Variants in SYNE1 observed in about 807,000 individuals in gnomAD.
SYNE1 encodes spectrin repeat containing nuclear envelope protein 1.
A neutral mutation model predicts 1,111.0 loss-of-function variants in SYNE1; 616 were observed. The ratio of observed to expected loss-of-function variants is 0.55; its 90% CI spans 0.52 to 0.59. The LOEUF (loss-of-function observed/expected upper bound fraction) is 0.59. Among genes scored for constraint, SYNE1 ranks in the 20% least tolerant of loss-of-function variants. SYNE1 has a pLI of 0.00. For missense variants in SYNE1, 10,006 were observed against 10,417.0 expected (o/e 0.96, Z 1.72); for synonymous variants, 3,855 against 3,825.8 (o/e 1.01, Z -0.28).
At chr6:152,630,072 G>A (rs1052849066) in intron 2 of SYNE1, among the ~76,000 whole-genome samples, 2 of 151,850 alleles carry the variant, frequency 1.3e-5, no homozygotes, top group Non-Finnish European at 2.9e-5. Flanking sequence ...TTATATATTG[G>A]TATCTGGTCA....
Position 152,471,595 on chromosome 6 carries a change from A to G in SYNE1, c.1632+2T>C, listed in dbSNP as rs1371239038. 6.2e-7 allele frequency: 1 copy of G among 1,613,694 alleles called. No homozygotes were observed. The highest frequency in any genetic ancestry group is 1.3e-5 in the African/African-American group (1 of 74,910). On this transcript the variant is annotated splice_donor_variant, in intron 16 of 145. Transcript: ENST00000367255. LOFTEE classifies it high-confidence loss of function. ...TTCTCTGTCAAAGCACGGGGGACTC[A>G]CCACGTAGTTTTGTAGAAGCTGCTC...
At chr6:152,555,049 A>G (rs981077730) in intron 3 of SYNE1, among the ~76,000 whole-genome samples, 1 of 152,220 alleles carries the variant, frequency 6.6e-6, no homozygotes, top group Non-Finnish European at 1.5e-5. Context: ...TATTTCAAAT[A>G]CTCATAAATG....
intron 64 of SYNE1, among the ~76,000 whole-genome samples, chr6:152,360,969 A>T (rs1563349093): frequency 6.6e-6 from 1 of 152,276 alleles, no homozygotes; most frequent in East Asian, 1.9e-4. Context: ...GGGACATGCA[A>T]ATATATATGA....
intron 91 of SYNE1, among the ~76,000 whole-genome samples, chr6:152,303,927 A>AT (rs1422656301): frequency 6.7e-6 from 1 of 150,370 alleles, no homozygotes; most frequent in East Asian, 2.0e-4. Context: ...ACACACACAC[A>AT]TTTTGTTATT....
chr6:152,627,859 T>C (rs1000507951), intron 3 of SYNE1, among the ~76,000 whole-genome samples: 1 of 152,120 alleles, frequency 6.6e-6, no homozygotes, highest in African/African-American at 2.4e-5. Context: ...ATGCCACTGG[T>C]TCACCTATTT....
intron 55 of SYNE1, among the ~76,000 whole-genome samples, chr6:152,383,579 G>GT (rs986922664): frequency 6.6e-6 from 1 of 152,000 alleles, no homozygotes; most frequent in African/African-American, 2.4e-5. Context: ...TCCCCTTCTT[G>GT]TTTTTCCCCT....
chr6:152,523,739 T>C (rs2099151346), intron 5 of SYNE1, among the ~76,000 whole-genome samples: 1 of 152,144 alleles, frequency 6.6e-6, no homozygotes. Flanking sequence ...CAGCAGTGTT[T>C]TGTAGTTCTC....
chr6:152,268,982 C>T (rs2092972331), intron 99 of SYNE1, among the ~76,000 whole-genome samples, 173 bp downstream of exon 99: 1 of 152,142 alleles, frequency 6.6e-6, no homozygotes, highest in Non-Finnish European at 1.5e-5. Flanking sequence ...CCAATCATCC[C>T]AGTGGTCATG....
rs756636517 is a variant in SYNE1 at position 152,472,332 on chromosome 6, G to T, written c.1432C>A (p.Pro478Thr). The change falls in exon 15 of 146, where the codon CCA (proline) becomes ACA (threonine). Residue 478 changes from proline (P) to threonine (T), a missense_variant. By Grantham distance (38) the Pro-to-Thr change is conservative (BLOSUM62 -1). Around this residue, in one of 7 missense-constraint regions of SYNE1, gnomAD observed 1,971 missense variants for 2,084.1 expected, o/e 0.95. Transcript: ENST00000367255. Reference protein sequence around the residue: ...RTRSVNGIPVPPDQLEDMAER... With the variant: ...RTRSVNGIPVTPDQLEDMAER... ...GCCATGTCCTCTAATTGATCAGGTG[G>T]CACTGGAATCCCGTTAACAGACCTG... The T allele has an allele frequency of 1.9e-6, 3 of 1,613,884 alleles. No individual in the cohort carries two copies. The highest frequency in any genetic ancestry group is 2.5e-6 in the Non-Finnish European group (3 of 1,179,894).
intron 12 of SYNE1, among the ~76,000 whole-genome samples, chr6:152,485,185 C>T (rs953394963): frequency 2.0e-5 from 3 of 152,168 alleles, no homozygotes; most frequent in African/African-American, 7.2e-5. Context: ...TTCATATTAT[C>T]CTCTCTGGTT....
chr6:152,603,598 T>C (rs1273760236), intron 3 of SYNE1, among the ~76,000 whole-genome samples: 1 of 151,816 alleles, frequency 6.6e-6, no homozygotes, highest in Non-Finnish European at 1.5e-5. Context: ...TTGAAGAAAA[T>C]GGTTGGAGAC....
At chr6:152,551,477 T>G (rs2099346555) in intron 3 of SYNE1, among the ~76,000 whole-genome samples, 1 of 152,196 alleles carries the variant, frequency 6.6e-6, no homozygotes. Context: ...TACCAGCCGT[T>G]CTGCTGACCA....
At chr6:152,224,446 T>C in intron 117 of SYNE1, 48 bp downstream of exon 117, 1 of 1,569,276 alleles carries the variant, frequency 6.4e-7, no homozygotes, top group Non-Finnish European at 8.8e-7. Flanking sequence ...TTTTTCAGTT[T>C]TCTAAAATTA....
chr6:152,225,821 T>C lies in SYNE1; in HGVS notation c.21251A>G (p.Asn7084Ser). The change falls in exon 116 of 146, where the codon AAT becomes AGT. Residue 7084 changes from asparagine (N) to serine (S), a missense_variant. Coordinates refer to ENST00000367255, the MANE Select transcript of SYNE1 (RefSeq NM_182961.4). ...KEKEVEKIEQ[N>S]GLALIQNKKE... ...CTTGTTCTGAATCAAAGCAAGTCCA[T>C]TCTGCTCAATTTTCTCTACTTCTTT... 1.9e-6 allele frequency: 3 copies of C among 1,614,064 alleles called. No individual in the cohort carries two copies. The highest frequency in any genetic ancestry group is 2.2e-5 in the South Asian group (2 of 91,078).
intron 85 of SYNE1, 111 bp downstream of exon 85, chr6:152,318,752 T>G: frequency 7.7e-7 from 1 of 1,294,054 alleles, no homozygotes; most frequent in Non-Finnish European, 1.1e-6. Context: ...CTGTTACTAT[T>G]TGGTTTTAAA....
chr6:152,373,342 C>T lies in SYNE1; in HGVS notation c.9325-123G>A, dbSNP rs552314831. 62 of 875,052 alleles carry T rather than the reference C, an allele frequency of 7.1e-5. No homozygotes were observed. In the South Asian group the frequency reaches 8.7e-4, roughly 12 times the overall value. 54.2% of individuals were successfully genotyped at this position (875,052 alleles called of 1,614,324 possible). A position where few individuals can be genotyped will look rare whatever the true frequency, so the allele number is the denominator to read the frequency against. On this transcript the variant is annotated intron_variant, in intron 58 of 145. Coordinates refer to ENST00000367255, the MANE Select transcript of SYNE1 (RefSeq NM_182961.4). ...TCACTCAGGCTGGAGTGCAGTAGTG[C>T]GATCTCGGCTCACTGCAGCCTCCGT...
intron 90 of SYNE1, 21 bp from the exon 91 acceptor site, chr6:152,308,653 A>G (rs760354821): frequency 1.3e-6 from 2 of 1,586,968 alleles, no homozygotes; most frequent in Middle Eastern, 1.8e-4. Context: ...AAAAAAAAAC[A>G]GAAAGATAGA....
At chr6:152,125,053 C>T (rs2052880659) in intron 145 of SYNE1, among the ~76,000 whole-genome samples, 1 of 152,194 alleles carries the variant, frequency 6.6e-6, no homozygotes, top group African/African-American at 2.4e-5. Flanking sequence ...CAGCCAGTGG[C>T]AGAAGATTTC....
At chr6:152,468,014 A>C (rs1413263801) in intron 16 of SYNE1, among the ~76,000 whole-genome samples, 1 of 152,190 alleles carries the variant, frequency 6.6e-6, no homozygotes, top group Non-Finnish European at 1.5e-5. Flanking sequence ...ATTTCTTTCA[A>C]AATGAGGTTG....
Sources: allele counts gnomAD v4.1 joint callset (sites outside exome capture counted in the v4.1 genomes callset), GRCh38; gene constraint gnomAD v4.1.1; regional missense constraint gnomAD v4.1.1; transcripts MANE v1.5; gene names NCBI Gene and HGNC (gene_info 2026-07-23, HGNC 2026-07-21).